The following GRSF1 variants were observed in gnomAD, a reference collection of about 807,000 sequenced individuals.
GRSF1 encodes G-rich RNA sequence binding factor 1, also known as G-rich sequence factor 1.
In GRSF1, 50 loss-of-function variants were observed where a neutral mutation model predicts 51.1. The ratio of observed to expected loss-of-function variants is 0.98; its 90% CI spans 0.78 to 1.24. GRSF1 has a LOEUF of 1.24. GRSF1 is among the 50% of genes most tolerant of loss of function. The pLI is 0.00. For missense variants in GRSF1, 700 were observed against 639.7 expected, an observed-to-expected ratio of 1.09 and a Z score of -1.02; for synonymous variants, 293 against 253.3, an observed-to-expected ratio of 1.16 and a Z score of -1.49.
At chr4:70,826,937 C>A (rs574900131) in intron 6 of GRSF1, among the ~76,000 whole-genome samples, 5 of 152,252 alleles carry the variant, frequency 3.3e-5, no homozygotes, top group African/African-American at 1.2e-4. Flanking sequence ...TTAAAAGATT[C>A]CAAATGTTGC....
intron 2 of GRSF1, among the ~76,000 whole-genome samples, chr4:70,835,595 T>C (rs59572739): frequency 0.027 from 4,041 of 151,330 alleles, 79 homozygotes; most frequent in Middle Eastern, 0.055. Context: ...TAGCTGGGAC[T>C]ACAAGCCTGG....
At chr4:70,821,507 G>A (rs746217508) in intron 9 of GRSF1, among the ~76,000 whole-genome samples, 14 of 151,664 alleles carry the variant, frequency 9.2e-5, no homozygotes, top group Non-Finnish European at 1.8e-4. Context: ...TTCATAGACT[G>A]AGGCAGGAGA....
In GRSF1 at chr4:70,839,565, G is replaced by A. The variant is rs980878410; in HGVS notation, c.263C>T (p.Ala88Val). Residue 88 changes from alanine (A) to valine (V), a missense_variant, in exon 1 of 10, where the codon GCC becomes GTC. Coordinates refer to ENST00000254799, the MANE Select transcript of GRSF1 (RefSeq NM_002092.4). The stretch of plus-strand genomic sequence containing the variant: ...GGCAGAGTAGGACGCGGCGGCCGCG[G>A]CCGCGGCAGAGGTGGCCACAGCGGG... ...GPPAVATSAA[A>V]AAAASYSALR... 1.2e-5 allele frequency: 17 copies of A among 1,424,062 alleles called. No homozygotes were observed. Among genetic ancestry groups the A allele is most frequent in the Admixed American group, 1.1e-4 (4 of 37,206 alleles). The allele number at this position is 1,424,062 out of a possible 1,614,324, so 88.2% of individuals were successfully genotyped here. A position where few individuals can be genotyped will look rare whatever the true frequency, so the allele number is the denominator to read the frequency against.
At chr4:70,837,654 T>C (rs887303504) in intron 1 of GRSF1, among the ~76,000 whole-genome samples, 2 of 151,844 alleles carry the variant, frequency 1.3e-5, no homozygotes, top group East Asian at 3.9e-4. Flanking sequence ...TTTTCTTTTT[T>C]CTTGAGACGG....
At chr4:70,839,901 G>T, upstream of GRSF1, 1 of 1,369,336 alleles carries the variant, frequency 7.3e-7, no homozygotes, top group South Asian at 1.5e-5. Context: ...GGAATCCAGG[G>T]CCGGTTGGGG....
chr4:70,829,341 T>A (rs1312742957), intron 5 of GRSF1, among the ~76,000 whole-genome samples: 3 of 27,074 alleles, frequency 1.1e-4, no homozygotes, highest in East Asian at 9.4e-3. Flanking sequence ...TCTACAAAAG[T>A]TTTTTTTTGT....
chr4:70,831,114 T>C (rs556694720), intron 5 of GRSF1, among the ~76,000 whole-genome samples: 1 of 152,104 alleles, frequency 6.6e-6, no homozygotes, highest in Non-Finnish European at 1.5e-5. Context: ...TCCCAGCACT[T>C]TGGGAGGCCG....
Position 70,816,441 on chromosome 4 carries a change from CGG to C in GRSF1, c.*4444_*4445del, listed in dbSNP as rs1733312872. ...ATCTCCCTCAAAAAAACTCCAATGA[CGG>C]CTGGGTGTGGTGGCTGATGCCTGTA... On this transcript the variant is annotated 3_prime_UTR_variant, in exon 10 of 10. Transcript: ENST00000254799. 5.3e-5 allele frequency: 8 copies of C among 151,786 alleles called. 1 individual carries two copies. Among genetic ancestry groups the C allele is most frequent in the Admixed American group, 4.6e-4 (7 of 15,230 alleles). 9.4% of individuals were successfully genotyped at this position (151,786 alleles called of 1,614,324 possible).
At chr4:70,829,739 A>T (rs1733882672) in intron 5 of GRSF1, among the ~76,000 whole-genome samples, 1 of 152,202 alleles carries the variant, frequency 6.6e-6, no homozygotes, top group African/African-American at 2.4e-5. Flanking sequence ...CAGAAGGTCA[A>T]GGCTGAAATG....
At chr4:70,822,088 A>G (rs1014789210) in intron 9 of GRSF1, among the ~76,000 whole-genome samples, 2 of 152,198 alleles carry the variant, frequency 1.3e-5, no homozygotes, top group Non-Finnish European at 2.9e-5. Flanking sequence ...ATGGGAAAAA[A>G]AAAAGACACC....
At position 70,826,265 on chromosome 4, in the gene GRSF1, G is replaced by C. The variant is rs756491491; in HGVS notation, c.1136-20C>G. On this transcript the variant is annotated intron_variant, in intron 6 of 9. Transcript: ENST00000254799. ...GCAATTCTGAGAGGTGGAACAGAAA[G>C]CACTGTTAAAACATAACAGCTTCAA... 1.3e-6 allele frequency: 2 copies of C among 1,586,602 alleles called. No individual in the cohort carries two copies.
chr4:70,828,375 T>C (rs1186416425), intron 5 of GRSF1, among the ~76,000 whole-genome samples: 2 of 152,244 alleles, frequency 1.3e-5, no homozygotes, highest in East Asian at 3.8e-4. Flanking sequence ...TTTAAATTGC[T>C]GGTTAACAAT....
chr4:70,826,139 G>T lies in GRSF1; in HGVS notation c.1242C>A (p.Ala414=). The T allele has an allele frequency of 6.2e-7, 1 of 1,610,852 alleles. No individual in the cohort carries two copies. Among genetic ancestry groups the T allele is most frequent in the Non-Finnish European group, 8.5e-7 (1 of 1,178,214 alleles). Residue 414 remains alanine (A), a synonymous_variant, in exon 7 of 10, where the codon GCC becomes GCA. Coordinates refer to ENST00000254799, the MANE Select transcript of GRSF1 (RefSeq NM_002092.4). ...TGCCACACACGTTTATAATGTCTTG[G>T]GCATTGGCTTGGAAAGGTAATCCTC... is the stretch of plus-strand genomic sequence containing the variant. ...HMRGLPFQAN[A]QDIINFFAPL...
At chr4:70,839,391 G>C (rs1021779062) in intron 1 of GRSF1, 80 bp downstream of exon 1, 6 of 1,507,980 alleles carry the variant, frequency 4.0e-6, no homozygotes, top group Non-Finnish European at 4.4e-6. Context: ...AGGCGCACAC[G>C]GAGGGACGGA....
chr4:70,840,678 G>A (rs1018750504), upstream of GRSF1, among the ~76,000 whole-genome samples: 8 of 152,210 alleles, frequency 5.3e-5, no homozygotes, highest in East Asian at 1.2e-3. Context: ...CAGGAGAATC[G>A]CTTGAACCCA....
chr4:70,817,081 A>AT lies in GRSF1; in HGVS notation c.*3805dup, dbSNP rs1429634778. Reference sequence around the variant, plus strand: ...CACTGCAAGCTTACACTAGAAACTGATAACAGGGCTGTGCGAGAATAGAAA... The same window carrying AT: ...CACTGCAAGCTTACACTAGAAACTGATTAACAGGGCTGTGCGAGAATAGAAA... On this transcript the variant is annotated 3_prime_UTR_variant, in exon 10 of 10. Coordinates refer to ENST00000254799, the MANE Select transcript of GRSF1 (RefSeq NM_002092.4). 1 of 152,244 alleles carries AT rather than the reference A, an allele frequency of 6.6e-6. No homozygotes were observed. The highest frequency in any genetic ancestry group is 1.5e-5 in the Non-Finnish European group (1 of 68,044). The allele number at this position is 152,244 out of a possible 1,614,324, so 9.4% of individuals were successfully genotyped here. A position where few individuals can be genotyped will look rare whatever the true frequency, so the allele number is the denominator to read the frequency against.
chr4:70,835,564 C>G (rs1246251995), intron 2 of GRSF1, among the ~76,000 whole-genome samples: 3 of 150,826 alleles, frequency 2.0e-5, no homozygotes, highest in African/African-American at 7.3e-5. Flanking sequence ...TCACACCATT[C>G]TCCTGCCTCA....
In GRSF1 at chr4:70,818,547, C is replaced by A. The variant is rs147136403; in HGVS notation, c.*2340G>T. On this transcript the variant is annotated 3_prime_UTR_variant, in exon 10 of 10. Coordinates refer to ENST00000254799, the MANE Select transcript of GRSF1 (RefSeq NM_002092.4). ...ACATGACAGAAGCTTAAGTTACCCA[C>A]GCATAAAGGGACACATACTCTATTT... The A allele has an allele frequency of 6.6e-6, 1 of 152,180 alleles. No homozygotes were observed. Among genetic ancestry groups the A allele is most frequent in the South Asian group, 2.1e-4 (1 of 4,836 alleles). The allele number at this position is 152,180 out of a possible 1,614,324, so 9.4% of individuals were successfully genotyped here.
rs1734382863 is a variant in GRSF1, at chr4:70,839,642, C to T, written c.186G>A (p.Gln62=). 3 of 1,398,582 alleles carry T rather than the reference C, an allele frequency of 2.1e-6. No individual in the cohort carries two copies. Among genetic ancestry groups the T allele is most frequent in the Non-Finnish European group, 2.8e-6 (3 of 1,089,328 alleles). The allele number at this position is 1,398,582 out of a possible 1,614,324, so 86.6% of individuals were successfully genotyped here. ...CAGGCCCGGTCTGGAGGCCACGCGT[C>T]TGGGAGGCAGCGGCCGCGGCGGCCC... is the stretch of plus-strand genomic sequence containing the variant. ...LLGAAAAAAS[Q]TRGLQTGPVP... The change falls in exon 1 of 10, where the codon CAG becomes CAA. Residue 62 remains glutamine, a synonymous_variant. Transcript: ENST00000254799.
Sources: allele counts gnomAD v4.1 joint callset (sites outside exome capture counted in the v4.1 genomes callset), GRCh38; gene constraint gnomAD v4.1.1; transcripts MANE v1.5; gene names NCBI Gene and HGNC (gene_info 2026-07-23, HGNC 2026-07-21).